SUMF1: variants seen among roughly 807,000 people sequenced by gnomAD.
The protein encoded by SUMF1 is sulfatase modifying factor 1, also known as formylglycine-generating enzyme.
SUMF1 carries 48 observed loss-of-function variants against 47.6 expected under a neutral mutation model. The observed-to-expected ratio is 1.01, with a 90% confidence interval of 0.80 to 1.28. SUMF1 has a LOEUF of 1.28. Among genes scored for constraint, SUMF1 ranks in the 50% most tolerant of loss-of-function variants. SUMF1 has a pLI of 0.00. For synonymous variants in SUMF1, 230 were observed against 192.1 expected (o/e 1.20, Z -1.63); for missense variants, 571 against 485.4 (o/e 1.18, Z -1.66).
At position 4,452,999 on chromosome 3, in the gene SUMF1, C is replaced by T; in HGVS notation, c.321G>A (p.Gln107=). Reference sequence around the variant, plus strand: ...CAGGTGCTTCCCCATCCTGCTTTATCTGAGGATCATCTGTGCCCATTGTAA... The same window carrying T: ...CAGGTGCTTCCCCATCCTGCTTTATTTGAGGATCATCTGTGCCCATTGTAA... The part of the protein sequence containing the change: ...GVFTMGTDDP[Q]IKQDGEAPAR... The change falls in exon 2 of 9, where the codon CAG becomes CAA. Residue 107 remains glutamine (Q), a synonymous_variant. Transcript: ENST00000272902. The T allele has an allele frequency of 1.2e-6, 2 of 1,614,104 alleles. No individual in the cohort carries two copies. The highest frequency in any genetic ancestry group is 1.7e-6 in the Non-Finnish European group (2 of 1,180,030).
intron 8 of SUMF1, among the ~76,000 whole-genome samples, chr3:4,081,180 A>G (rs746736080): frequency 2.0e-5 from 3 of 152,150 alleles, no homozygotes; most frequent in Admixed American, 1.3e-4. Flanking sequence ...GCTGTTGCCT[A>G]AAGTAACGTT....
chr3:4,114,350 G>A (rs189580247), intron 8 of SUMF1, among the ~76,000 whole-genome samples: 1 of 152,196 alleles, frequency 6.6e-6, no homozygotes, highest in African/African-American at 2.4e-5. Flanking sequence ...AAAAGGAAAT[G>A]AGTCTAGACT....
intron 1 of SUMF1, among the ~76,000 whole-genome samples, chr3:4,464,750 G>A (rs1043616784): frequency 6.6e-6 from 1 of 152,164 alleles, no homozygotes; most frequent in African/African-American, 2.4e-5. Context: ...GAGAGATTAA[G>A]AACAGCCTCC....
Position 4,467,153 on chromosome 3 carries a change from C to T in SUMF1, c.93G>A (p.Ala31=). ...LLLLLSLLCG[A]AGSQEAGTGA... ...CGGTCCCGGCCTCCTGGCTCCCTGC[C>T]GCTCCACACAGCAGCGAGAGCAGCA... The change falls in exon 1 of 9, where the codon GCG becomes GCA. Residue 31 remains alanine (A), a synonymous_variant. Coordinates refer to ENST00000272902, the MANE Select transcript of SUMF1 (RefSeq NM_182760.4). The T allele has an allele frequency of 6.3e-7, 1 of 1,591,682 alleles. No homozygotes were observed.
At chr3:4,448,423 C>G (rs1702858287) in intron 3 of SUMF1, among the ~76,000 whole-genome samples, 1 of 152,174 alleles carries the variant, frequency 6.6e-6, no homozygotes, top group South Asian at 2.1e-4. Flanking sequence ...TTCAATGCCT[C>G]TAGCTTCATC....
intron 3 of SUMF1, among the ~76,000 whole-genome samples, chr3:4,428,606 A>C (rs1198009289): frequency 1.3e-5 from 2 of 152,154 alleles, no homozygotes; most frequent in Admixed American, 1.3e-4. Context: ...CTCCCAACTC[A>C]GCCTCCCAAA....
intron 8 of SUMF1, among the ~76,000 whole-genome samples, chr3:4,254,922 G>C (rs1011623537): frequency 2.0e-5 from 3 of 152,170 alleles, no homozygotes; most frequent in African/African-American, 7.2e-5. Flanking sequence ...TCTCTTGGCA[G>C]AAACCCTACA....
intron 9 of SUMF1, among the ~76,000 whole-genome samples, chr3:4,053,061 T>G (rs566562450): frequency 6.6e-6 from 1 of 152,330 alleles, no homozygotes; most frequent in South Asian, 2.1e-4. Flanking sequence ...CTCACTAAGC[T>G]TAATCATTTC....
At chr3:4,366,973 A>G (rs1166866507) in intron 8 of SUMF1, among the ~76,000 whole-genome samples, 2 of 152,142 alleles carry the variant, frequency 1.3e-5, no homozygotes, top group African/African-American at 4.8e-5. Flanking sequence ...GGAGTTTGCT[A>G]GAGGTCCACT....
At chr3:4,315,505 A>T (rs909779049) in intron 8 of SUMF1, among the ~76,000 whole-genome samples, 5 of 152,080 alleles carry the variant, frequency 3.3e-5, no homozygotes, top group African/African-American at 7.2e-5. Context: ...ACCCCTGGAA[A>T]TTTTTTGTCC....
At chr3:4,454,602 ATG>A (rs1393409015) in intron 1 of SUMF1, among the ~76,000 whole-genome samples, 1 of 152,212 alleles carries the variant, frequency 6.6e-6, no homozygotes, top group African/African-American at 2.4e-5. Flanking sequence ...ATAAAAACAT[ATG>A]TCCATGTAAA....
intron 1 of SUMF1, among the ~76,000 whole-genome samples, chr3:4,464,713 C>T (rs1055224333): frequency 6.6e-6 from 1 of 152,202 alleles, no homozygotes. Flanking sequence ...TGCACATGAA[C>T]TAAAACATTT....
intron 7 of SUMF1, among the ~76,000 whole-genome samples, chr3:4,400,452 C>T (rs142113932): frequency 2.0e-5 from 3 of 152,110 alleles, no homozygotes; most frequent in African/African-American, 4.8e-5. Flanking sequence ...GCAAGGACTG[C>T]GTGATGTTTA....
chr3:4,115,650 TCCCCATTTA>T lies in SUMF1; in HGVS notation c.1015-46914_1015-46906del, dbSNP rs542728633. ...CTCTGCGAGGGGGATAAGGGAACTTTCCCCATTTACCTGGACTAGCTGAGCAGACTGATT... is the reference window on the plus strand; with the variant it reads ...CTCTGCGAGGGGGATAAGGGAACTTTCCTGGACTAGCTGAGCAGACTGATT... On this transcript the variant is annotated intron_variant and NMD_transcript_variant, in intron 8 of 12. Coordinates refer to the SUMF1 transcript ENST00000448413. Among the ~76,000 whole-genome samples, 80 of 152,208 alleles carry T rather than the reference TCCCCATTTA, an allele frequency of 5.3e-4. 1 individual carries two copies. The highest frequency in any genetic ancestry group is 3.4e-3 in the Middle Eastern group (1 of 294).
At chr3:4,259,007 G>A (rs12631905) in intron 8 of SUMF1, among the ~76,000 whole-genome samples, 53,415 of 146,140 alleles carry the variant, frequency 0.37, 10,344 homozygotes, top group Non-Finnish European at 0.44. Context: ...GTAAACTATC[G>A]CAAGAACAAA....
At chr3:4,166,037 T>A (rs964877135) in intron 8 of SUMF1, among the ~76,000 whole-genome samples, 6 of 152,032 alleles carry the variant, frequency 3.9e-5, no homozygotes, top group African/African-American at 1.5e-4. Context: ...ATGCTAGTTT[T>A]CCTCCTAGAC....
chr3:4,198,792 C>T (rs1006200396), intron 8 of SUMF1, among the ~76,000 whole-genome samples: 4 of 151,870 alleles, frequency 2.6e-5, no homozygotes, highest in African/African-American at 9.7e-5. Flanking sequence ...AGAAGAGACT[C>T]AGCATATGCT....
chr3:4,308,855 T>C (rs534894962), intron 8 of SUMF1, among the ~76,000 whole-genome samples: 1 of 152,336 alleles, frequency 6.6e-6, no homozygotes, highest in South Asian at 2.1e-4. Flanking sequence ...CTCTGCAAAA[T>C]ATTTGAAGAG....
intron 8 of SUMF1, among the ~76,000 whole-genome samples, chr3:4,312,066 CCTTT>C (rs370021871): frequency 3.0e-4 from 46 of 151,984 alleles, no homozygotes; most frequent in African/African-American, 8.9e-4. Context: ...TTTTCATATT[CCTTT>C]CTTATTTAAT....
Sources: gnomAD v4.1 joint callset for allele counts (sites outside exome capture counted in the v4.1 genomes callset) on GRCh38, gnomAD v4.1.1 for gene constraint, MANE v1.5 for transcripts, NCBI Gene and HGNC (gene_info 2026-07-23, HGNC 2026-07-21) for gene names.